TTLL13: variants seen among roughly 807,000 people sequenced by gnomAD.
The protein encoded by TTLL13 is tubulin tyrosine ligase like 13.
the TTLL13 span, chr15:90,265,308 C>T: frequency 1.7e-6 from 2 of 1,210,350 alleles, no homozygotes; most frequent in Non-Finnish European, 2.1e-6. Context: ...GAGCCCCTTT[C>T]CCAGAGAAGC....
At chr15:90,251,667 T>G in the TTLL13 span, 6 of 1,551,096 alleles carry the variant, frequency 3.9e-6, no homozygotes, top group Non-Finnish European at 5.3e-6. Flanking sequence ...TCCTCTGGAA[T>G]GGACCCCCGA....
At chr15:90,256,421 T>C in the TTLL13 span, 3 of 1,208,258 alleles carry the variant, frequency 2.5e-6, no homozygotes, top group Admixed American at 2.4e-5. Flanking sequence ...CCCGTTTTCC[T>C]GGAGGCAGTA....
chr15:90,262,004 A>G, the TTLL13 span: 51 of 1,530,354 alleles, frequency 3.3e-5, no homozygotes, highest in Admixed American at 8.5e-4. Context: ...TGCTTTCCAC[A>G]GGAAAGAAAA....
chr15:90,264,752 A>T, the TTLL13 span: 13 of 1,536,116 alleles, frequency 8.5e-6, no homozygotes, highest in East Asian at 3.2e-4. Flanking sequence ...AGAAGCCATA[A>T]ACCGAGTCCT....
chr15:90,264,178 T>G, the TTLL13 span: 6 of 657,396 alleles, frequency 9.1e-6, no homozygotes, highest in African/African-American at 1.8e-5. Context: ...ATGGGGAAGT[T>G]AGGGTACCCA....
chr15:90,250,149 G>C, the TTLL13 span, among the ~76,000 whole-genome samples: 1 of 151,866 alleles, frequency 6.6e-6, no homozygotes, highest in Non-Finnish European at 1.5e-5. Context: ...AGGAGAGACG[G>C]GATTTCACCG....
At chr15:90,256,359 T>A in the TTLL13 span, 1 of 1,601,988 alleles carries the variant, frequency 6.2e-7, no homozygotes, top group East Asian at 2.2e-5. Context: ...GCCTCATCTC[T>A]CCCAAAAGCC....
At chr15:90,254,573 GCT>G in the TTLL13 span, among the ~76,000 whole-genome samples, 40,486 of 150,602 alleles carry the variant, frequency 0.27, 6,387 homozygotes, top group East Asian at 0.69. Context: ...GTGGACGGTG[GCT>G]CTCGTGCCTG....
At chr15:90,252,381 A>G in the TTLL13 span, among the ~76,000 whole-genome samples, 4 of 151,538 alleles carry the variant, frequency 2.6e-5, no homozygotes, top group East Asian at 3.9e-4. Context: ...GAGTCTTGCT[A>G]TGTTGCCCAG....
the TTLL13 span, chr15:90,258,759 G>C: frequency 6.2e-7 from 1 of 1,614,172 alleles, no homozygotes; most frequent in Non-Finnish European, 8.5e-7. Flanking sequence ...CACTCTCCAA[G>C]CTTTACCACG....
At chr15:90,264,067 G>A in the TTLL13 span, 1 of 1,502,158 alleles carries the variant, frequency 6.7e-7, no homozygotes, top group Non-Finnish European at 9.0e-7. Context: ...CCGTAAGTAT[G>A]CAAAACTAGC....
chr15:90,253,314 T>C, the TTLL13 span: 2 of 1,613,750 alleles, frequency 1.2e-6, no homozygotes, highest in South Asian at 1.1e-5. Flanking sequence ...GACTCTGTAC[T>C]GGACAGACTG....
the TTLL13 span, chr15:90,257,831 AGCCTTTATAG>A: frequency 3.5e-6 from 4 of 1,131,018 alleles, no homozygotes; most frequent in Non-Finnish European, 5.2e-6. Context: ...AGGGAAACTC[AGCCTTTATAG>A]ACCCTGTCCT....
the TTLL13 span, chr15:90,256,131 C>G: frequency 6.2e-7 from 1 of 1,613,458 alleles, no homozygotes; most frequent in Non-Finnish European, 8.5e-7. Context: ...CAGGCCCTCT[C>G]TGCACATAGC....
the TTLL13 span, among the ~76,000 whole-genome samples, chr15:90,256,579 T>TTC: frequency 9.6e-5 from 3 of 31,124 alleles, no homozygotes; most frequent in African/African-American, 2.4e-4. Flanking sequence ...CTTTCTTTCT[T>TTC]TCTTTCTTTC....
the TTLL13 span, chr15:90,259,149 G>T: frequency 1.6e-4 from 166 of 1,035,606 alleles, 3 homozygotes; most frequent in East Asian, 6.0e-3. Flanking sequence ...GATTGCTTGA[G>T]CCCTAGAGTT....
chr15:90,264,994 C>A, the TTLL13 span: 5 of 1,517,430 alleles, frequency 3.3e-6, no homozygotes, highest in Non-Finnish European at 4.4e-6. Context: ...CTCTACCTCT[C>A]CTGGATAACC....
chr15:90,262,789 T>C, the TTLL13 span: 1 of 1,222,222 alleles, frequency 8.2e-7, no homozygotes, highest in South Asian at 1.6e-5. Flanking sequence ...GAGTTCCTAA[T>C]CAGTAAATTG....
At chr15:90,255,375 T>C in the TTLL13 span, among the ~76,000 whole-genome samples, 36 of 152,290 alleles carry the variant, frequency 2.4e-4, no homozygotes, top group African/African-American at 8.7e-4. Context: ...CTTTTGTGTC[T>C]TTTGGGGAAT....
Sources: gnomAD v4.1 joint callset for allele counts (sites outside exome capture counted in the v4.1 genomes callset) on GRCh38, gnomAD v4.1.1 for gene constraint, MANE v1.5 for transcripts, NCBI Gene and HGNC (gene_info 2026-07-23, HGNC 2026-07-21) for gene names.